ATP8A2: variants seen among roughly 807,000 people sequenced by gnomAD.
The protein encoded by ATP8A2 is phospholipid-transporting ATPase IB.
Under a neutral mutation model 165.6 loss-of-function variants are expected in ATP8A2, and 100 were observed. The observed-to-expected ratio is 0.60, with a 90% CI of 0.51 to 0.71. The LOEUF is 0.71. ATP8A2 is among the 30% of genes least tolerant of loss of function. ATP8A2 has a pLI of 0.00. For missense variants in ATP8A2, 1,227 were observed against 1,479.5 expected (o/e 0.83, Z 2.80); for synonymous variants, 543 against 548.8 (o/e 0.99, Z 0.15).
intron 2 of ATP8A2, among the ~76,000 whole-genome samples, chr13:25,487,715 A>G (rs1158803399): frequency 1.3e-5 from 2 of 152,252 alleles, no homozygotes; most frequent in East Asian, 3.8e-4. Context: ...GGAACAAACT[A>G]GAAATGTTTT....
chr13:25,502,923 C>A (rs2036901672), intron 2 of ATP8A2, among the ~76,000 whole-genome samples: 1 of 152,144 alleles, frequency 6.6e-6, no homozygotes, highest in Admixed American at 6.6e-5. Flanking sequence ...GAGGCATTGT[C>A]AAACCTGAGT....
At position 25,532,295 on chromosome 13, in the gene ATP8A2, A is replaced by C; in HGVS notation, c.444A>C (p.Ala148=). The C allele has an allele frequency of 6.2e-7, 1 of 1,611,172 alleles. No homozygotes were observed. Among genetic ancestry groups the C allele is most frequent in the Non-Finnish European group, 8.5e-7 (1 of 1,179,178 alleles). ...EDFKRHKADN[A]VNKKKTIVLR... Reference sequence around the variant, plus strand: ...AGAAGCGACACAAGGCAGACAATGCAGTTAACAAAAAGAAAACAATAGGTA... The same window carrying C: ...AGAAGCGACACAAGGCAGACAATGCCGTTAACAAAAAGAAAACAATAGGTA... The change falls in exon 5 of 37, where the codon GCA becomes GCC. Residue 148 remains alanine, a synonymous_variant. Transcript: ENST00000381655.
At chr13:25,413,253 CT>C (rs1181917879) in intron 1 of ATP8A2, among the ~76,000 whole-genome samples, 2 of 142,778 alleles carry the variant, frequency 1.4e-5, no homozygotes, top group Admixed American at 7.0e-5. Flanking sequence ...TGTAGTCAGA[CT>C]TTTTTTTCTT....
intron 30 of ATP8A2, among the ~76,000 whole-genome samples, chr13:25,846,609 G>C (rs1951870320): frequency 2.0e-5 from 3 of 152,214 alleles, no homozygotes; most frequent in African/African-American, 7.2e-5. Context: ...ACCTTTCCAG[G>C]CCTTTTGGAA....
chr13:25,898,699 C>T (rs1213737523), intron 33 of ATP8A2, among the ~76,000 whole-genome samples: 1 of 152,212 alleles, frequency 6.6e-6, no homozygotes, highest in East Asian at 1.9e-4. Flanking sequence ...CAGCTGGCCA[C>T]CTTGTTTACC....
At chr13:25,490,227 C>T (rs141844762) in intron 2 of ATP8A2, among the ~76,000 whole-genome samples, 5 of 152,334 alleles carry the variant, frequency 3.3e-5, no homozygotes, top group East Asian at 1.9e-4. Context: ...AGAAGAGTTA[C>T]GGGAGAGAAA....
At chr13:25,434,694 ATAC>A (rs2138166467) in intron 1 of ATP8A2, among the ~76,000 whole-genome samples, 1 of 152,238 alleles carries the variant, frequency 6.6e-6, no homozygotes, top group South Asian at 2.1e-4. Flanking sequence ...CAGAATTAAA[ATAC>A]GATTCTTTTT....
intron 27 of ATP8A2, among the ~76,000 whole-genome samples, chr13:25,817,587 A>G (rs1161473015): frequency 1.3e-5 from 2 of 152,216 alleles, no homozygotes; most frequent in Non-Finnish European, 2.9e-5. Context: ...TAAAAAATGT[A>G]TGTGTGTACC....
intron 24 of ATP8A2, among the ~76,000 whole-genome samples, chr13:25,622,245 A>C (rs2040988813): frequency 6.6e-6 from 1 of 151,896 alleles, no homozygotes; most frequent in East Asian, 1.9e-4. Flanking sequence ...AGAAATGTAT[A>C]TGCCAAGTTG....
At chr13:25,658,467 C>T (rs2041980908) in intron 24 of ATP8A2, among the ~76,000 whole-genome samples, 1 of 151,990 alleles carries the variant, frequency 6.6e-6, no homozygotes, top group Admixed American at 6.6e-5. Context: ...GTGAAACCCC[C>T]GTCTCTACTA....
intron 27 of ATP8A2, among the ~76,000 whole-genome samples, chr13:25,803,905 C>T (rs532205011): frequency 1.3e-5 from 2 of 152,312 alleles, no homozygotes; most frequent in African/African-American, 2.4e-5. Flanking sequence ...TTTTCTAAAA[C>T]GCCATCTCTG....
chr13:25,784,340 G>A (rs1308019036), intron 27 of ATP8A2, among the ~76,000 whole-genome samples: 4 of 152,132 alleles, frequency 2.6e-5, no homozygotes, highest in Admixed American at 2.6e-4. Flanking sequence ...CGTAGCCCGG[G>A]TGCACTCTCC....
chr13:25,799,699 A>T (rs1489347551), intron 27 of ATP8A2, among the ~76,000 whole-genome samples: 3 of 152,032 alleles, frequency 2.0e-5, no homozygotes, highest in African/African-American at 7.2e-5. Context: ...TCCCCTGAAC[A>T]TTTGTCTGCA....
At chr13:25,833,988 G>C (rs1319439198) in intron 28 of ATP8A2, among the ~76,000 whole-genome samples, 1 of 152,204 alleles carries the variant, frequency 6.6e-6, no homozygotes, top group Admixed American at 6.5e-5. Flanking sequence ...CAAAAGACAT[G>C]AGTAGACATT....
intron 24 of ATP8A2, among the ~76,000 whole-genome samples, chr13:25,695,188 A>T (rs1219605325): frequency 6.6e-6 from 1 of 150,540 alleles, no homozygotes; most frequent in Non-Finnish European, 1.5e-5. Context: ...ACGGTACTGT[A>T]CTCTATTAAG....
chr13:25,732,329 G>A (rs914981639), intron 25 of ATP8A2, among the ~76,000 whole-genome samples: 1 of 152,176 alleles, frequency 6.6e-6, no homozygotes, highest in Non-Finnish European at 1.5e-5. Flanking sequence ...GTAGCAATGA[G>A]GTCACTGACC....
chr13:25,900,633 T>G (rs1953713582), intron 33 of ATP8A2, among the ~76,000 whole-genome samples: 1 of 152,196 alleles, frequency 6.6e-6, no homozygotes, highest in Non-Finnish European at 1.5e-5. Context: ...GTGTTCAACC[T>G]TATGTCTGAT....
chr13:25,549,772 ACTC>A (rs1412597548), intron 10 of ATP8A2, among the ~76,000 whole-genome samples: 2 of 150,728 alleles, frequency 1.3e-5, no homozygotes, highest in Non-Finnish European at 3.0e-5. Flanking sequence ...TGAGTAGTAG[ACTC>A]CCTGTGCTAA....
chr13:25,569,478 A>G (rs1212871796), intron 16 of ATP8A2, among the ~76,000 whole-genome samples: 1 of 152,224 alleles, frequency 6.6e-6, no homozygotes, highest in African/African-American at 2.4e-5. Flanking sequence ...ATATAAATCT[A>G]TCTCAATTTT....
Sources: gnomAD v4.1 joint callset for allele counts (sites outside exome capture counted in the v4.1 genomes callset) on GRCh38, gnomAD v4.1.1 for gene constraint, MANE v1.5 for transcripts, NCBI Gene and HGNC (gene_info 2026-07-23, HGNC 2026-07-21) for gene names.